Variants in FGGY observed in about 807,000 individuals in gnomAD.
FGGY encodes FGGY carbohydrate kinase domain containing.
In FGGY, 72 loss-of-function variants were observed where a neutral mutation model predicts 71.3. That is an observed-to-expected ratio of 1.01 (90% CI 0.84 to 1.23). FGGY has a LOEUF of 1.23. FGGY is among the 50% of genes most tolerant of loss of function. The pLI is 0.00. For synonymous variants in FGGY, 251 were observed against 250.3 expected (o/e 1.00, Z -0.02); for missense variants, 668 against 682.3 (o/e 0.98, Z 0.23).
At chr1:59,397,281 G>A (rs898258564) in intron 5 of FGGY, among the ~76,000 whole-genome samples, 79 of 152,188 alleles carry the variant, frequency 5.2e-4, no homozygotes, top group African/African-American at 1.7e-3. Flanking sequence ...TCCATTCCAC[G>A]GCTACCAGGG....
At chr1:59,438,680 G>T (rs776323827) in intron 5 of FGGY, among the ~76,000 whole-genome samples, 1 of 152,162 alleles carries the variant, frequency 6.6e-6, no homozygotes, top group African/African-American at 2.4e-5. Flanking sequence ...TGCCTAAATT[G>T]TAACTTCTGA....
intron 1 of FGGY, among the ~76,000 whole-genome samples, chr1:59,307,383 T>C (rs1282258696): frequency 6.6e-6 from 1 of 151,346 alleles, no homozygotes; most frequent in Non-Finnish European, 1.5e-5. Flanking sequence ...TAACCAAATA[T>C]TGGGATTGTA....
intron 5 of FGGY, among the ~76,000 whole-genome samples, chr1:59,399,022 C>G (rs1457455687): frequency 6.6e-6 from 1 of 152,134 alleles, no homozygotes; most frequent in East Asian, 1.9e-4. Flanking sequence ...AAGTACCTAA[C>G]ATTGGGTGTA....
At chr1:59,612,768 C>A (rs902181381) in intron 9 of FGGY, among the ~76,000 whole-genome samples, 8 of 152,162 alleles carry the variant, frequency 5.3e-5, no homozygotes, top group Non-Finnish European at 8.8e-5. Flanking sequence ...CGTGCGGAGA[C>A]ACACATAGTC....
At chr1:59,506,483 G>A (rs987819613) in intron 6 of FGGY, among the ~76,000 whole-genome samples, 2 of 152,136 alleles carry the variant, frequency 1.3e-5, no homozygotes, top group African/African-American at 2.4e-5. Flanking sequence ...CCAGATTTAA[G>A]GGGGAAAAAC....
chr1:59,697,196 A>G (rs2097667847), intron 14 of FGGY, among the ~76,000 whole-genome samples: 1 of 152,218 alleles, frequency 6.6e-6, no homozygotes, highest in African/African-American at 2.4e-5. Flanking sequence ...TGTAATACAC[A>G]TAACATAAAA....
At chr1:59,576,400 G>T (rs1571506439) in intron 8 of FGGY, among the ~76,000 whole-genome samples, 3 of 152,092 alleles carry the variant, frequency 2.0e-5, no homozygotes, top group East Asian at 3.9e-4. Context: ...GGCCAGTCGG[G>T]GGGTAGGGGG....
intron 6 of FGGY, among the ~76,000 whole-genome samples, chr1:59,498,700 A>G (rs1309694066): frequency 6.6e-6 from 1 of 152,126 alleles, no homozygotes; most frequent in East Asian, 1.9e-4. Context: ...ATTTTTCCCA[A>G]TATGTGTATG....
At chr1:59,470,926 C>T (rs1328930480) in intron 6 of FGGY, among the ~76,000 whole-genome samples, 1 of 152,160 alleles carries the variant, frequency 6.6e-6, no homozygotes, top group Non-Finnish European at 1.5e-5. Flanking sequence ...ATCTTTGTAT[C>T]ATGTGATATA....
chr1:59,472,228 G>A (rs540734359), intron 6 of FGGY, among the ~76,000 whole-genome samples: 15 of 152,300 alleles, frequency 9.8e-5, no homozygotes, highest in African/African-American at 3.1e-4. Flanking sequence ...TGGAGCGGTC[G>A]GCCGGCTCCA....
At chr1:59,342,908 C>A (rs1302338726) in intron 3 of FGGY, among the ~76,000 whole-genome samples, 1 of 152,176 alleles carries the variant, frequency 6.6e-6, no homozygotes, top group Non-Finnish European at 1.5e-5. Flanking sequence ...AAAATAGTCT[C>A]ATTTGCCTTT....
At chr1:59,449,303 A>G (rs2072067759) in intron 5 of FGGY, among the ~76,000 whole-genome samples, 1 of 152,078 alleles carries the variant, frequency 6.6e-6, no homozygotes, top group Non-Finnish European at 1.5e-5. Flanking sequence ...TTATTTTTTG[A>G]GACTGAGTCT....
chr1:59,383,107 A>G (rs934301282), intron 5 of FGGY, among the ~76,000 whole-genome samples: 1 of 152,068 alleles, frequency 6.6e-6, no homozygotes, highest in Non-Finnish European at 1.5e-5. Context: ...GGAGATTGTT[A>G]TACCTATTTT....
intron 5 of FGGY, among the ~76,000 whole-genome samples, chr1:59,444,155 G>C (rs2070671634): frequency 6.6e-6 from 1 of 152,136 alleles, no homozygotes; most frequent in Non-Finnish European, 1.5e-5. Flanking sequence ...CTAGCCACAG[G>C]GTTTGCCATT....
At chr1:59,464,555 C>A (rs1041525850) in intron 6 of FGGY, among the ~76,000 whole-genome samples, 1 of 151,974 alleles carries the variant, frequency 6.6e-6, no homozygotes. Context: ...CACAAAAAAA[C>A]CCTTCAAAAA....
intron 1 of FGGY, among the ~76,000 whole-genome samples, chr1:59,306,881 A>C (rs1031898648): frequency 6.6e-6 from 1 of 152,234 alleles, no homozygotes; most frequent in Non-Finnish European, 1.5e-5. Context: ...GCTGAGCTAC[A>C]CTGAAATCCA....
intron 5 of FGGY, among the ~76,000 whole-genome samples, chr1:59,413,525 G>A (rs1273034804): frequency 6.6e-6 from 1 of 152,194 alleles, no homozygotes; most frequent in Non-Finnish European, 1.5e-5. Flanking sequence ...TGTGATGAAT[G>A]CTTAGAGATT....
At chr1:59,565,278 A>G (rs111717183) in intron 8 of FGGY, among the ~76,000 whole-genome samples, 4,037 of 152,034 alleles carry the variant, frequency 0.027, 189 homozygotes, top group African/African-American at 0.093. Context: ...CTGTCTAGCT[A>G]GTAAGTCCTT....
chr1:59,435,742 C>A (rs1572118229), intron 5 of FGGY, among the ~76,000 whole-genome samples: 1 of 119,070 alleles, frequency 8.4e-6, no homozygotes, highest in East Asian at 2.3e-4. Context: ...ACGTGTGTGC[C>A]TGCGTGTGTG....
Sources: allele counts gnomAD v4.1 joint callset (sites outside exome capture counted in the v4.1 genomes callset), GRCh38; gene constraint gnomAD v4.1.1; transcripts MANE v1.5; gene names NCBI Gene and HGNC (gene_info 2026-07-23, HGNC 2026-07-21).